The following ICA1 variants were observed in gnomAD, a reference collection of about 807,000 sequenced individuals.
ICA1 encodes the protein islet cell autoantigen 1.
Under a neutral mutation model 71.0 loss-of-function variants are expected in ICA1, and 40 were observed. The ratio of observed to expected loss-of-function variants is 0.56; its 90% CI spans 0.44 to 0.73. ICA1 has a LOEUF of 0.73. Among genes scored for constraint, ICA1 ranks in the 30% least tolerant of loss-of-function variants. ICA1 has a pLI of 0.00. For missense variants in ICA1, 578 were observed against 576.5 expected, an observed-to-expected ratio of 1.00 and a Z score of -0.03; for synonymous variants, 207 against 209.5, an observed-to-expected ratio of 0.99 and a Z score of 0.10.
chr7:8,136,671 G>T (rs2192346), intron 12 of ICA1, among the ~76,000 whole-genome samples: 1 of 152,036 alleles, frequency 6.6e-6, no homozygotes. Context: ...ATGTGACATT[G>T]ACTTTAACTG....
At chr7:8,185,230 C>T (rs1783541805) in intron 6 of ICA1, among the ~76,000 whole-genome samples, 1 of 151,968 alleles carries the variant, frequency 6.6e-6, no homozygotes, top group Admixed American at 6.5e-5. Flanking sequence ...AAATTTTAAT[C>T]CTGACCTTGT....
In ICA1 at chr7:8,195,973, G is replaced by A. The variant is rs146774944; in HGVS notation, c.579+22332C>T. Among the ~76,000 whole-genome samples, 11 of 130,690 alleles carry A rather than the reference G, an allele frequency of 8.4e-5. No homozygotes were observed. The East Asian group carries it at 1.8e-3, about 21-fold the overall frequency. 85.7% of individuals were successfully genotyped at this position (130,690 alleles called of 152,430 possible). A position where few individuals can be genotyped will look rare whatever the true frequency, so the allele number is the denominator to read the frequency against. ...AGCCTGGGCAACAGAGTGAGGCTCC[G>A]TCTCACAACAACAACAACAACAACA... On this transcript the variant is annotated intron_variant, in intron 6 of 13. Transcript: ENST00000402384.
intron 13 of ICA1, among the ~76,000 whole-genome samples, chr7:8,124,877 C>T (rs1425879510): frequency 1.3e-5 from 2 of 152,018 alleles, no homozygotes; most frequent in Non-Finnish European, 2.9e-5. Flanking sequence ...CAACCTCTAC[C>T]TCCTGGATTC....
intron 6 of ICA1, among the ~76,000 whole-genome samples, chr7:8,194,730 T>C (rs1157665958): frequency 1.3e-5 from 2 of 152,186 alleles, no homozygotes; most frequent in Non-Finnish European, 2.9e-5. Context: ...GCGTTTTATA[T>C]AATAAAATAT....
At chr7:8,180,180 C>T (rs919734248) in intron 6 of ICA1, among the ~76,000 whole-genome samples, 2 of 151,856 alleles carry the variant, frequency 1.3e-5, no homozygotes, top group African/African-American at 4.8e-5. Context: ...GTATTCTATC[C>T]CCAGTCAATA....
At chr7:8,198,317 A>G (rs182340296) in intron 6 of ICA1, among the ~76,000 whole-genome samples, 98 of 152,344 alleles carry the variant, frequency 6.4e-4, no homozygotes, top group Non-Finnish European at 8.2e-4. Context: ...AGGAGACAAT[A>G]TGAGCAAAGC....
chr7:8,153,353 G>A (rs1353926383), intron 8 of ICA1, among the ~76,000 whole-genome samples: 1 of 152,146 alleles, frequency 6.6e-6, no homozygotes, highest in Non-Finnish European at 1.5e-5. Flanking sequence ...GCCCCTGGAT[G>A]AGTATGTCCA....
At chr7:8,183,167 C>T (rs896578282) in intron 6 of ICA1, among the ~76,000 whole-genome samples, 7 of 152,160 alleles carry the variant, frequency 4.6e-5, no homozygotes, top group South Asian at 4.1e-4. Flanking sequence ...TATGGGAATG[C>T]GGGGGAAGAT....
At chr7:8,155,030 A>G (rs1006493604) in intron 8 of ICA1, among the ~76,000 whole-genome samples, 2 of 152,232 alleles carry the variant, frequency 1.3e-5, no homozygotes, top group African/African-American at 2.4e-5. Flanking sequence ...ATAATTATCT[A>G]TCAGCTTGAG....
intron 5 of ICA1, among the ~76,000 whole-genome samples, chr7:8,219,938 T>TA (rs1796539791): frequency 6.6e-6 from 1 of 152,174 alleles, no homozygotes; most frequent in South Asian, 2.1e-4. Context: ...CTATGAAATA[T>TA]TTTTTTAGGA....
chr7:8,188,879 G>A (rs114769069), intron 6 of ICA1, among the ~76,000 whole-genome samples: 52 of 152,302 alleles, frequency 3.4e-4, no homozygotes, highest in African/African-American at 1.2e-3. Context: ...TTTCAGTGAC[G>A]CAAAGAGGAG....
At chr7:8,195,794 A>G (rs1280573466) in intron 6 of ICA1, among the ~76,000 whole-genome samples, 1 of 152,114 alleles carries the variant, frequency 6.6e-6, no homozygotes, top group Non-Finnish European at 1.5e-5. Flanking sequence ...CCTAGCCAAC[A>G]TAGTGAAACC....
At chr7:8,157,372 T>G in intron 7 of ICA1, 158 bp from the exon 8 acceptor site, 1 of 718,758 alleles carries the variant, frequency 1.4e-6, no homozygotes, top group South Asian at 2.3e-5. Flanking sequence ...CACTCTGTAT[T>G]TCAGCCAAAC....
intron 1 of ICA1, among the ~76,000 whole-genome samples, chr7:8,236,506 T>C (rs1452826702): frequency 6.6e-6 from 1 of 152,196 alleles, no homozygotes; most frequent in African/African-American, 2.4e-5. Context: ...TATGCCTCCT[T>C]ACAGATTTGA....
chr7:8,174,806 C>T (rs1445846065), intron 6 of ICA1, among the ~76,000 whole-genome samples: 1 of 141,712 alleles, frequency 7.1e-6, no homozygotes, highest in Non-Finnish European at 1.5e-5. Flanking sequence ...TGAGACAATT[C>T]ATACTCTTTA....
intron 6 of ICA1, among the ~76,000 whole-genome samples, chr7:8,194,043 G>C (rs763081332): frequency 6.6e-5 from 10 of 152,144 alleles, no homozygotes; most frequent in Non-Finnish European, 1.5e-4. Context: ...AAATTATATG[G>C]TTATCTTCAT....
intron 6 of ICA1, among the ~76,000 whole-genome samples, chr7:8,213,796 A>G (rs564651406): frequency 7.9e-5 from 12 of 152,148 alleles, no homozygotes; most frequent in Non-Finnish European, 1.8e-4. Flanking sequence ...TGGCCCTAAT[A>G]AGGTCCCACC....
At chr7:8,228,497 G>T in intron 4 of ICA1, 104 bp downstream of exon 4, 1 of 612,600 alleles carries the variant, frequency 1.6e-6, no homozygotes, top group South Asian at 3.0e-5. Flanking sequence ...TGAAGACACA[G>T]ACAAACACTC....
intron 6 of ICA1, among the ~76,000 whole-genome samples, chr7:8,210,472 A>G (rs1280214699): frequency 6.6e-6 from 1 of 152,270 alleles, no homozygotes; most frequent in Non-Finnish European, 1.5e-5. Flanking sequence ...CTCACCACGA[A>G]GTCGAACTAA....
Sources: allele counts gnomAD v4.1 joint callset (sites outside exome capture counted in the v4.1 genomes callset), GRCh38; gene constraint gnomAD v4.1.1; transcripts MANE v1.5; gene names NCBI Gene and HGNC (gene_info 2026-07-23, HGNC 2026-07-21).